BTBD8: variants seen among roughly 807,000 people sequenced by gnomAD.
BTBD8 encodes the protein BTB domain containing 8.
Under a neutral mutation model 162.9 loss-of-function variants are expected in BTBD8, and 110 were observed. That is an observed-to-expected ratio of 0.68 (90% CI 0.58 to 0.79). The LOEUF (loss-of-function observed/expected upper bound fraction) is 0.79, where lower values mean the gene tolerates loss of function less well. BTBD8 is among the 30% of genes least tolerant of loss of function. The pLI, the probability that BTBD8 is intolerant of heterozygous loss-of-function variation, is 0.00. For missense variants in BTBD8, 1,905 were observed against 2,085.4 expected (o/e 0.91, Z 1.68); for synonymous variants, 667 against 716.1 (o/e 0.93, Z 1.10).
rs186240860 is a variant in BTBD8, at chr1:92,132,989, G to A, written c.752+3213G>A. 2.0e-5 allele frequency among the ~76,000 whole-genome samples: 3 copies of A among 152,228 alleles called. No individual in the cohort carries two copies. The East Asian group carries it at 5.8e-4, about 29-fold the overall frequency. ...ATTTTGCCTTTCCCTGTTGTATCAT[G>A]TATCAAATTGATTGTCTCAAATTAT... On this transcript the variant is annotated intron_variant, in intron 5 of 17. Coordinates refer to ENST00000636805, the MANE Select transcript of BTBD8 (RefSeq NM_001376131.1).
In BTBD8 at chr1:92,139,348, A is replaced by G; in HGVS notation, c.753-2A>G. On this transcript the variant is annotated splice_acceptor_variant, in intron 5 of 17. Transcript: ENST00000636805. LOFTEE classifies it high-confidence loss of function. ...GGATTTGAGTTTTCTTTTATTTTTC[A>G]GTATAAGCCATGTAGAACTGAATGT... The G allele has an allele frequency of 6.4e-7, 1 of 1,557,880 alleles. No homozygotes were observed. The highest frequency in any genetic ancestry group is 8.6e-7 in the Non-Finnish European group (1 of 1,163,502).
chr1:92,088,829 G>C lies in BTBD8; in HGVS notation c.281G>C (p.Ser94Thr). ...CATACTATTGGACAGACATCAAATA[G>C]TTTAACAAATCAGGAGCCTATTGCT... ...YFHTIGQTSN[S>T]LTNQEPIAVE... is the part of the protein sequence containing the mutation. Residue 94 changes from serine (S) to threonine (T), a missense_variant, in exon 2 of 18, where the codon AGT becomes ACT. Ser to Thr is a moderately conservative substitution (Grantham distance 58). This residue lies in a region of BTBD8 where 1,374 missense variants were observed against 1,442.7 expected (regional missense o/e 0.95). Transcript: ENST00000636805. The C allele has an allele frequency of 3.1e-6, 5 of 1,613,200 alleles. No individual in the cohort carries two copies. In the South Asian group the frequency reaches 4.4e-5, roughly 14 times the overall value.
chr1:92,090,931 CA>C lies in BTBD8; in HGVS notation c.347+2047del, dbSNP rs532043349. Among the ~76,000 whole-genome samples the C allele has an allele frequency of 7.4e-5, 11 of 148,558 alleles. 2 individuals carry two copies. Among genetic ancestry groups the C allele is most frequent in the South Asian group, 4.2e-4 (2 of 4,728 alleles). On this transcript the variant is annotated intron_variant, in intron 2 of 17. Transcript: ENST00000636805. ...TGGATGACGGAGCAAGACTCCATCT[CA>C]AAAAAAAAAATTTTTTATTATGTAG...
chr1:92,103,247 G>C (rs1413856729), intron 3 of BTBD8, among the ~76,000 whole-genome samples: 1 of 152,130 alleles, frequency 6.6e-6, no homozygotes, highest in Non-Finnish European at 1.5e-5. Context: ...ATATTTGTTG[G>C]GTTAAAGGAT....
chr1:92,135,331 G>A (rs554953088), intron 5 of BTBD8, among the ~76,000 whole-genome samples: 7 of 152,126 alleles, frequency 4.6e-5, no homozygotes, highest in South Asian at 4.1e-4. Context: ...GATTACAGGC[G>A]TGTGCCACCT....
In BTBD8 at chr1:92,100,553, G is replaced by A. The variant is rs116224320; in HGVS notation, c.348-1920G>A. On this transcript the variant is annotated intron_variant, in intron 2 of 17. Transcript: ENST00000636805. The stretch of plus-strand genomic sequence containing the variant: ...TCTTGAGTCAGGTTTGGTAGTTTGT[G>A]TCTTTCTTGGAATTGTCCATTTCAT... Among the ~76,000 whole-genome samples, 703 of 152,030 alleles carry A rather than the reference G, an allele frequency of 4.6e-3. 5 individuals carry two copies. Among genetic ancestry groups the A allele is most frequent in the African/African-American group, 0.016 (680 of 41,488 alleles).
chr1:92,183,867 A>C lies in BTBD8; in HGVS notation c.4916A>C (p.Asp1639Ala). 6.5e-7 allele frequency: 1 copy of C among 1,546,648 alleles called. No homozygotes were observed. Among genetic ancestry groups the C allele is most frequent in the Non-Finnish European group, 8.7e-7 (1 of 1,144,666 alleles). ...GTAGTATTATGAATTATTTCAGGAG[A>C]CATAGATGATTGTGACACACTGGCA... ...EKANIALSAG[D>A]IDDCDTLAQT... is the part of the protein sequence containing the mutation. The change falls in exon 18 of 18, where the codon GAC becomes GCC. Residue 1639 changes from aspartate to alanine, a missense_variant. Around this residue, in one of 3 missense-constraint regions of BTBD8, gnomAD observed 517 missense variants for 606.6 expected, o/e 0.85. Transcript: ENST00000636805.
intron 7 of BTBD8, among the ~76,000 whole-genome samples, chr1:92,142,820 T>A (rs76719192): frequency 6.6e-6 from 1 of 152,304 alleles, no homozygotes; most frequent in East Asian, 1.9e-4. Context: ...AATAAAGGCC[T>A]CCAGTATCTG....
rs1025887475 is a variant in BTBD8, at chr1:92,115,670, T to C, written c.662+7669T>C. ...CCATGGGTGGAATCATACTGGAACA[T>C]GTAGACCATGTAGTTGAGGTCAGTG... On this transcript the variant is annotated intron_variant, in intron 4 of 17. Coordinates refer to ENST00000636805, the MANE Select transcript of BTBD8 (RefSeq NM_001376131.1). The C allele has an allele frequency of 1.4e-5, 5 of 351,320 alleles. No individual in the cohort carries two copies. In the East Asian group the frequency reaches 2.2e-4, roughly 15 times the overall value. The allele number at this position is 351,320 out of a possible 1,614,324, so 21.8% of individuals were successfully genotyped here. A position where few individuals can be genotyped will look rare whatever the true frequency, so the allele number is the denominator to read the frequency against.
At chr1:92,136,644 G>C (rs1055912334) in intron 5 of BTBD8, among the ~76,000 whole-genome samples, 1 of 152,218 alleles carries the variant, frequency 6.6e-6, no homozygotes, top group African/African-American at 2.4e-5. Context: ...AAAGACAGAT[G>C]TGTTAACAAA....
At chr1:92,171,125 A>G (rs1331839285) in intron 12 of BTBD8, among the ~76,000 whole-genome samples, 5 of 152,038 alleles carry the variant, frequency 3.3e-5, no homozygotes, top group African/African-American at 1.2e-4. Flanking sequence ...GTTTTTCTAA[A>G]TGTATGAATC....
At chr1:92,130,063 G>C (rs550178466) in intron 5 of BTBD8, among the ~76,000 whole-genome samples, 1 of 152,320 alleles carries the variant, frequency 6.6e-6, no homozygotes, top group African/African-American at 2.4e-5. Context: ...AGATAAACAT[G>C]CCAGCAGTTT....
chr1:92,100,266 C>T (rs1012894042), intron 2 of BTBD8, among the ~76,000 whole-genome samples: 2 of 152,064 alleles, frequency 1.3e-5, no homozygotes, highest in Non-Finnish European at 1.5e-5. Context: ...TTTATTTACA[C>T]TAATAAGGAA....
At position 92,181,316 on chromosome 1, in the gene BTBD8, T is replaced by C. The variant is rs1650897459; in HGVS notation, c.3633T>C (p.Ser1211=). The change falls in exon 17 of 18, where the codon TCT becomes TCC. Residue 1211 remains serine, a synonymous_variant. Coordinates refer to ENST00000636805, the MANE Select transcript of BTBD8 (RefSeq NM_001376131.1). ...CGGGACAGCTATCAGAAAAAAATTC[T>C]CCTAAAAATATGGAAACATCAGAAT... ...CFSGQLSEKN[S]PKNMETSESP... 1 of 1,551,426 alleles carries C rather than the reference T, an allele frequency of 6.4e-7. No individual in the cohort carries two copies. Among genetic ancestry groups the C allele is most frequent in the Non-Finnish European group, 8.7e-7 (1 of 1,146,926 alleles).
chr1:92,181,132 C>A lies in BTBD8; in HGVS notation c.3449C>A (p.Pro1150His), dbSNP rs766578244. The A allele has an allele frequency of 2.6e-6, 4 of 1,551,454 alleles. No individual in the cohort carries two copies. The East Asian group carries it at 9.8e-5, about 38-fold the overall frequency. Reference protein sequence around the residue: ...KCVEDVSLCNPERTNGTLNSA... With the variant: ...KCVEDVSLCNHERTNGTLNSA... The stretch of plus-strand genomic sequence containing the variant: ...GTGGAAGATGTTTCACTGTGTAATC[C>A]TGAAAGGACAAATGGTACCTTAAAT... Residue 1150 changes from proline to histidine, a missense_variant, in exon 17 of 18, where the codon CCT (proline) becomes CAT (histidine). Physicochemically the swap from Pro to His is moderately conservative, Grantham distance 77. This residue lies in a region of BTBD8 where 1,374 missense variants were observed against 1,442.7 expected (regional missense o/e 0.95). Coordinates refer to ENST00000636805, the MANE Select transcript of BTBD8 (RefSeq NM_001376131.1).
chr1:92,115,062 G>A, intron 4 of BTBD8: 1 of 389,680 alleles, frequency 2.6e-6, no homozygotes, highest in Non-Finnish European at 4.9e-6. Flanking sequence ...TTTCTCCAGA[G>A]AGCAGGTCAG....
At chr1:92,111,020 C>T (rs1477971704) in intron 4 of BTBD8, among the ~76,000 whole-genome samples, 4 of 148,088 alleles carry the variant, frequency 2.7e-5, no homozygotes, top group Non-Finnish European at 5.9e-5. Context: ...AAGACAAAGT[C>T]TTGCTCTTTT....
chr1:92,117,795 G>A (rs1247835698), intron 4 of BTBD8, among the ~76,000 whole-genome samples: 3 of 151,958 alleles, frequency 2.0e-5, no homozygotes, highest in African/African-American at 7.3e-5. Flanking sequence ...TCCTTCCTGT[G>A]CATTGACTAG....
intron 7 of BTBD8, among the ~76,000 whole-genome samples, chr1:92,145,329 A>G (rs1649885850): frequency 1.3e-5 from 2 of 152,182 alleles, no homozygotes; most frequent in South Asian, 2.1e-4. Flanking sequence ...AATCAAATCA[A>G]TAGCAATTCA....
Sources: gnomAD v4.1 joint callset for allele counts (sites outside exome capture counted in the v4.1 genomes callset) on GRCh38, gnomAD v4.1.1 for gene constraint, gnomAD v4.1.1 regional missense constraint, MANE v1.5 for transcripts, NCBI Gene and HGNC (gene_info 2026-07-23, HGNC 2026-07-21) for gene names.